Variants in IQCE observed in about 807,000 individuals in gnomAD.
IQCE encodes the protein IQ domain-containing protein E.
Under a neutral mutation model 96.0 loss-of-function variants are expected in IQCE, and 115 were observed. The observed-to-expected ratio is 1.20, with a 90% CI of 1.03 to 1.40. The LOEUF (loss-of-function observed/expected upper bound fraction) is 1.40. IQCE is among the 40% of genes most tolerant of loss of function. IQCE has a pLI of 0.00. For synonymous variants in IQCE, 412 were observed against 371.2 expected (o/e 1.11, Z -1.26); for missense variants, 1,041 against 909.1 (o/e 1.15, Z -1.87).
chr7:2,597,361 G>C (rs1430289119), intron 16 of IQCE, among the ~76,000 whole-genome samples: 2 of 152,274 alleles, frequency 1.3e-5, no homozygotes, highest in East Asian at 3.8e-4. Flanking sequence ...GCCCTTCACT[G>C]TCTAGGAATT....
At chr7:2,608,084 A>G (rs963692903) in intron 21 of IQCE, among the ~76,000 whole-genome samples, 1 of 152,204 alleles carries the variant, frequency 6.6e-6, no homozygotes, top group African/African-American at 2.4e-5. Context: ...CCAAAGGGTG[A>G]GGGTGAGGAA....
At position 2,598,506 on chromosome 7, in the gene IQCE, C is replaced by G; in HGVS notation, c.1482C>G (p.Cys494Trp). The stretch of plus-strand genomic sequence containing the variant: ...CTCCCACTCCCAGCAGCAGGCACTG[C>G]GAGCAAGACTGGCCGCCGGATTCCA... ...LPAPTPSSRH[C>W]EQDWPPDSSE... Residue 494 changes from cysteine to tryptophan, a missense_variant, in exon 17 of 22, where the codon TGC becomes TGG. Physicochemically the swap from Cys to Trp is radical, Grantham distance 215. Transcript: ENST00000402050. 6.2e-7 allele frequency: 1 copy of G among 1,606,774 alleles called. No individual in the cohort carries two copies. The highest frequency in any genetic ancestry group is 1.1e-5 in the South Asian group (1 of 90,246).
Position 2,572,321 on chromosome 7 carries a change from G to C in IQCE, c.389G>C (p.Ser130Thr). Residue 130 changes from serine to threonine, a missense_variant, in exon 5 of 22, where the codon AGC becomes ACC. By Grantham distance (58) the Ser-to-Thr change is moderately conservative. Transcript: ENST00000402050. ...AGGCCACATCTCAGGCGCTCTGCCAGCAACGGTGAGCATGCCGATGGTGGC... is the reference window on the plus strand; with the variant it reads ...AGGCCACATCTCAGGCGCTCTGCCACCAACGGTGAGCATGCCGATGGTGGC... ...VKRPHLRRSA[S>T]NGHVPGTPVY... 6.2e-7 allele frequency: 1 copy of C among 1,613,682 alleles called. No homozygotes were observed. The highest frequency in any genetic ancestry group is 8.5e-7 in the Non-Finnish European group (1 of 1,179,820).
chr7:2,601,105 C>T (rs984888266), intron 17 of IQCE, among the ~76,000 whole-genome samples: 1 of 152,204 alleles, frequency 6.6e-6, no homozygotes, highest in Non-Finnish European at 1.5e-5. Flanking sequence ...ACATTGGGCC[C>T]ACATCCACCT....
At chr7:2,570,594 T>G (rs1781689957) in intron 3 of IQCE, among the ~76,000 whole-genome samples, 1 of 151,998 alleles carries the variant, frequency 6.6e-6, no homozygotes, top group Non-Finnish European at 1.5e-5. Flanking sequence ...AACTTAAACA[T>G]TTTGAACATA....
intron 13 of IQCE, 40 bp downstream of exon 13, chr7:2,587,917 G>T: frequency 1.3e-6 from 2 of 1,585,882 alleles, no homozygotes; most frequent in South Asian, 1.1e-5. Flanking sequence ...TGGGGACCAG[G>T]GGCCTCATGC....
intron 8 of IQCE, 39 bp downstream of exon 8, chr7:2,578,565 C>G (rs1043576507): frequency 1.2e-6 from 2 of 1,601,096 alleles, no homozygotes; most frequent in Non-Finnish European, 8.6e-7. Context: ...TTTCCCCAGA[C>G]GCTAGTTACT....
chr7:2,559,217 G>T lies in IQCE; in HGVS notation c.36G>T (p.Thr12=). The T allele has an allele frequency of 8.2e-7, 1 of 1,215,278 alleles. No individual in the cohort carries two copies. The highest frequency in any genetic ancestry group is 1.0e-6 in the Non-Finnish European group (1 of 976,446). The allele number at this position is 1,215,278 out of a possible 1,614,324, so 75.3% of individuals were successfully genotyped here. A position where few individuals can be genotyped will look rare whatever the true frequency, so the allele number is the denominator to read the frequency against. ...GCACCGGGGAGCCGGCCTTGGACACGGTAAGAACGGGCGAGGGGGCGACGC... is the reference window on the plus strand; with the variant it reads ...GCACCGGGGAGCCGGCCTTGGACACTGTAAGAACGGGCGAGGGGGCGACGC... The part of the protein sequence containing the change: ...FLGTGEPALD[T]GDDSLSAVTF... Residue 12 remains threonine (T), a splice_region_variant and synonymous_variant, in exon 1 of 22, where the codon ACG becomes ACT. Coordinates refer to ENST00000402050, the MANE Select transcript of IQCE (RefSeq NM_152558.5).
Position 2,605,982 on chromosome 7 carries a change from C to T in IQCE, c.1850C>T (p.Ala617Val). 1 of 1,608,988 alleles carries T rather than the reference C, an allele frequency of 6.2e-7. No homozygotes were observed. The highest frequency in any genetic ancestry group is 8.5e-7 in the Non-Finnish European group (1 of 1,178,388). Residue 617 changes from alanine to valine, a missense_variant, in exon 20 of 22, where the codon GCC becomes GTC. Physicochemically the swap from Ala to Val is moderately conservative, Grantham distance 64 (BLOSUM62 0). Coordinates refer to ENST00000402050, the MANE Select transcript of IQCE (RefSeq NM_152558.5). ...CAGTCCGCTCTGCGGGCACACCTGG[C>T]CCGGGCCAGGCACAGGTGAGTCAGG... is the stretch of plus-strand genomic sequence containing the variant. ...IIQSALRAHL[A>V]RARHSATGKR...
chr7:2,608,186 C>A (rs967192295), intron 21 of IQCE, among the ~76,000 whole-genome samples: 3 of 152,198 alleles, frequency 2.0e-5, no homozygotes, highest in African/African-American at 7.2e-5. Flanking sequence ...AGCCGGCAGC[C>A]CCCCAGTACC....
intron 18 of IQCE, among the ~76,000 whole-genome samples, chr7:2,604,536 C>T (rs1302824406): frequency 6.6e-6 from 1 of 152,162 alleles, no homozygotes; most frequent in East Asian, 1.9e-4. Context: ...ACTATTCCAA[C>T]CTGAAAAAAC....
chr7:2,571,676 G>A, intron 4 of IQCE, 22 bp downstream of exon 4: 1 of 1,591,350 alleles, frequency 6.3e-7, no homozygotes, highest in East Asian at 2.2e-5. Context: ...TCGCACTGGA[G>A]ACCCTTCCTG....
At position 2,586,321 on chromosome 7, in the gene IQCE, A is replaced by G. The variant is rs1345250982; in HGVS notation, c.938A>G (p.Glu313Gly). ...ELTEENQSLK[E>G]DLDRVLSTSP... ...ACGGAAGAGAACCAGAGCCTGAAGG[A>G]GGACCTGGACCGCGTGCTGAGCACC... Residue 313 changes from glutamate (E) to glycine (G), a missense_variant, in exon 12 of 22, where the codon GAG (glutamate) becomes GGG (glycine). Glu to Gly is a moderately conservative substitution (Grantham distance 98). Transcript: ENST00000402050. The G allele has an allele frequency of 6.2e-7, 1 of 1,613,928 alleles. No homozygotes were observed. Among genetic ancestry groups the G allele is most frequent in the Admixed American group, 1.7e-5 (1 of 60,024 alleles).
At chr7:2,584,900 G>T (rs906928049) in intron 11 of IQCE, among the ~76,000 whole-genome samples, 4 of 152,314 alleles carry the variant, frequency 2.6e-5, no homozygotes, top group South Asian at 4.1e-4. Flanking sequence ...TCATTATTCA[G>T]TTATAAAATG....
At chr7:2,571,688 T>C (rs1478023472) in intron 4 of IQCE, 34 bp downstream of exon 4, 2 of 1,575,398 alleles carry the variant, frequency 1.3e-6, no homozygotes, top group African/African-American at 2.7e-5. Flanking sequence ...CCCTTCCTGC[T>C]TGAGAGAAGA....
chr7:2,593,279 C>T (rs1783756770), intron 15 of IQCE, among the ~76,000 whole-genome samples, 153 bp downstream of exon 15: 1 of 152,262 alleles, frequency 6.6e-6, no homozygotes, highest in African/African-American at 2.4e-5. Flanking sequence ...TGTCACCCAG[C>T]CCGGGACTAA....
intron 21 of IQCE, among the ~76,000 whole-genome samples, chr7:2,608,359 C>A (rs1355444241): frequency 6.6e-6 from 1 of 152,236 alleles, no homozygotes; most frequent in Non-Finnish European, 1.5e-5. Context: ...CCGCTAGGGG[C>A]TGTGTTTTAG....
chr7:2,564,054 A>G (rs1781181392), intron 1 of IQCE, among the ~76,000 whole-genome samples: 2 of 150,372 alleles, frequency 1.3e-5, no homozygotes, highest in African/African-American at 4.9e-5. Flanking sequence ...CTAAAAATAC[A>G]AAAAAAAATT....
Position 2,594,920 on chromosome 7 carries a change from G to A in IQCE, c.1384G>A (p.Glu462Lys), listed in dbSNP as rs1378009022. The A allele has an allele frequency of 6.2e-7, 1 of 1,613,912 alleles. No individual in the cohort carries two copies. The highest frequency in any genetic ancestry group is 8.5e-7 in the Non-Finnish European group (1 of 1,179,892). ...EIQTLTSKLQ[E>K]LQEMKKEEKE... is the part of the protein sequence containing the mutation. ...TCAGACACTTACCAGCAAGCTCCAA[G>A]AATTGCAAGAAATGAAGAAAGAAGA... is the stretch of plus-strand genomic sequence containing the variant. Residue 462 changes from glutamate to lysine, a missense_variant, in exon 16 of 22, where the codon GAA (glutamate) becomes AAA (lysine). Physicochemically the swap from Glu to Lys is moderately conservative, Grantham distance 56. Transcript: ENST00000402050.
Sources: allele counts gnomAD v4.1 joint callset (sites outside exome capture counted in the v4.1 genomes callset), GRCh38; gene constraint gnomAD v4.1.1; transcripts MANE v1.5; gene names NCBI Gene and HGNC (gene_info 2026-07-23, HGNC 2026-07-21).